RHD: variants seen among roughly 807,000 people sequenced by gnomAD.
The protein encoded by RHD is Rh blood group D antigen, also known as blood group Rh(D) polypeptide.
In RHD, 16 loss-of-function variants were observed where a neutral mutation model predicts 45.5. The observed-to-expected ratio is 0.35, with a 90% CI of 0.24 to 0.53. RHD has a LOEUF of 0.53. Among genes scored for constraint, RHD ranks in the 20% least tolerant of loss-of-function variants. The probability of loss-of-function intolerance (pLI) is 0.92; values close to 1 mark genes in which losing one functional copy is unlikely to be tolerated. For synonymous variants in RHD, 131 were observed against 217.5 expected, an observed-to-expected ratio of 0.60 and a Z score of 3.50; for missense variants, 306 against 532.0, an observed-to-expected ratio of 0.58 and a Z score of 4.18.
At chr1:25,309,912 A>G (rs188862990) in intron 7 of RHD, among the ~76,000 whole-genome samples, 2,093 of 133,416 alleles carry the variant, frequency 0.016, 165 homozygotes, top group African/African-American at 0.051. Context: ...ACAGCATCAT[A>G]TAGAATGAGT....
chr1:25,320,143 C>A (rs151132067), intron 8 of RHD, among the ~76,000 whole-genome samples: 5,049 of 131,236 alleles, frequency 0.038, 904 homozygotes, highest in African/African-American at 0.12. Flanking sequence ...GGTGATCCGC[C>A]CACCTTGGCC....
chr1:25,300,916 A>G, intron 3 of RHD, 30 bp from the exon 4 acceptor site: 1 of 1,374,612 alleles, frequency 7.3e-7, no homozygotes, highest in East Asian at 2.2e-5. Flanking sequence ...GGATGCCGAC[A>G]CTCACTGCTC....
intron 8 of RHD, among the ~76,000 whole-genome samples, chr1:25,318,625 G>C (rs1231619316): frequency 7.6e-6 from 1 of 131,942 alleles, no homozygotes; most frequent in African/African-American, 2.6e-5. Flanking sequence ...ATCCAGAACT[G>C]TTCACCTTTA....
In RHD at chr1:25,276,086, A is replaced by G. The variant is rs1425540246; in HGVS notation, c.148+3391A>G. On this transcript the variant is annotated intron_variant, in intron 1 of 9. Coordinates refer to ENST00000328664, the MANE Select transcript of RHD (RefSeq NM_016124.6). ...GATTATTCAAACCTGCCAATTCTAA[A>G]AAGACATTTTGAGACAATCAGGAAA... 5.3e-5 allele frequency among the ~76,000 whole-genome samples: 7 copies of G among 132,208 alleles called. 2 individuals are homozygous for G. The highest frequency in any genetic ancestry group is 1.1e-4 in the Non-Finnish European group (6 of 55,892). The allele number at this position is 132,208 out of a possible 152,430, so 86.7% of individuals were successfully genotyped here.
At position 25,284,811 on chromosome 1, in the gene RHD, G is replaced by A. The variant is rs551101938; in HGVS notation, c.335+52G>A. 24 of 1,336,552 alleles carry A rather than the reference G, an allele frequency of 1.8e-5. 1 individual carries two copies. The Middle Eastern group carries it at 5.5e-4, about 31-fold the overall frequency. The allele number at this position is 1,336,552 out of a possible 1,614,324, so 82.8% of individuals were successfully genotyped here. A position where few individuals can be genotyped will look rare whatever the true frequency, so the allele number is the denominator to read the frequency against. On this transcript the variant is annotated intron_variant, in intron 2 of 9. Coordinates refer to ENST00000328664, the MANE Select transcript of RHD (RefSeq NM_016124.6). ...CTGGGTCATAGAGGGAATGGACCCC[G>A]AAAGGACAGGTTCCAGAAGATCTGG...
intron 9 of RHD, among the ~76,000 whole-genome samples, chr1:25,324,768 G>T (rs1644882039): frequency 6.7e-6 from 1 of 148,898 alleles, no homozygotes; most frequent in Admixed American, 6.6e-5. Flanking sequence ...TGTCGCCCAG[G>T]TGCGGTGGCT....
rs585353 is a variant in RHD at position 25,279,003 on chromosome 1, G to C, written c.149-5570G>C. On this transcript the variant is annotated intron_variant, in intron 1 of 9. Transcript: ENST00000328664. Reference sequence around the variant, plus strand: ...TGAAGCTGGGTGTGACTTCAGAGCTGTTGGTGCTGAAGTTTCTGCAGGCCA... The same window carrying C: ...TGAAGCTGGGTGTGACTTCAGAGCTCTTGGTGCTGAAGTTTCTGCAGGCCA... Among the ~76,000 whole-genome samples, 51 of 129,746 alleles carry C rather than the reference G, an allele frequency of 3.9e-4. 5 individuals carry two copies. The highest frequency in any genetic ancestry group is 1.4e-3 in the Admixed American group (19 of 13,392). 85.1% of individuals were successfully genotyped at this position (129,746 alleles called of 152,430 possible). A position where few individuals can be genotyped will look rare whatever the true frequency, so the allele number is the denominator to read the frequency against.
chr1:25,297,871 G>T lies in RHD; in HGVS notation c.487-3075G>T, dbSNP rs1288676122. Among the ~76,000 whole-genome samples, 2 of 131,390 alleles carry T rather than the reference G, an allele frequency of 1.5e-5. 1 individual carries two copies. Among genetic ancestry groups the T allele is most frequent in the Non-Finnish European group, 3.6e-5 (2 of 55,756 alleles). 86.2% of individuals were successfully genotyped at this position (131,390 alleles called of 152,430 possible). ...AAACAAACACAAAGAACCTCCAAGG[G>T]CAGGAGGTGCTGCCAGACTCAGGAG... On this transcript the variant is annotated intron_variant, in intron 3 of 9. Transcript: ENST00000328664.
Position 25,296,472 on chromosome 1 carries a change from T to C in RHD, c.487-4474T>C. The stretch of plus-strand genomic sequence containing the variant: ...ATTGGCCAGGCTGGTCTTGAGCTCC[T>C]GGCCTCAGTTGATCCACCTGTCTCA... On this transcript the variant is annotated intron_variant, in intron 3 of 9. Transcript: ENST00000328664. Among the ~76,000 whole-genome samples, 2 of 120,882 alleles carry C rather than the reference T, an allele frequency of 1.7e-5. 1 individual carries two copies. The highest frequency in any genetic ancestry group is 3.9e-5 in the Non-Finnish European group (2 of 50,788). 79.3% of individuals were successfully genotyped at this position (120,882 alleles called of 152,430 possible). A position where few individuals can be genotyped will look rare whatever the true frequency, so the allele number is the denominator to read the frequency against.
At chr1:25,276,768 T>C (rs1180512238) in intron 1 of RHD, among the ~76,000 whole-genome samples, 1 of 131,106 alleles carries the variant, frequency 7.6e-6, no homozygotes, top group East Asian at 2.0e-4. Flanking sequence ...AATTTAAAAA[T>C]ATAAATAAAA....
Position 25,293,020 on chromosome 1 carries a change from G to A in RHD, c.486+2229G>A, listed in dbSNP as rs1327606146. Among the ~76,000 whole-genome samples, 15 of 128,984 alleles carry A rather than the reference G, an allele frequency of 1.2e-4. 2 individuals are homozygous for A. Among genetic ancestry groups the A allele is most frequent in the African/African-American group, 3.0e-4 (11 of 37,188 alleles). The allele number at this position is 128,984 out of a possible 152,430, so 84.6% of individuals were successfully genotyped here. On this transcript the variant is annotated intron_variant, in intron 3 of 9. Coordinates refer to ENST00000328664, the MANE Select transcript of RHD (RefSeq NM_016124.6). ...CTGAATGCTGCTGAGAGGTCAAGTC[G>A]GATGAGGGCTGGGAAGTAGCCATTG...
chr1:25,329,237 G>GGTTTTT lies in RHD; in HGVS notation c.*313_*314insGTTTTT. 1 of 232,394 alleles carries GGTTTTT rather than the reference G, an allele frequency of 4.3e-6. No homozygotes were observed. The highest frequency in any genetic ancestry group is 3.1e-5 in the South Asian group (1 of 32,690). The allele number at this position is 232,394 out of a possible 1,614,324, so 14.4% of individuals were successfully genotyped here. A position where few individuals can be genotyped will look rare whatever the true frequency, so the allele number is the denominator to read the frequency against. The stretch of plus-strand genomic sequence containing the variant: ...TAAGGTTAATTTATTATTATTCCTT[G>GGTTTTT]TTTTTTTTTTTTTTTTTTTTTTTTT... On this transcript the variant is annotated 3_prime_UTR_variant, in exon 10 of 10. Transcript: ENST00000328664.
Position 25,303,354 on chromosome 1 carries a change from C to T in RHD, c.834C>T (p.Gly278=), listed in dbSNP as rs776508234. 1.2e-5 allele frequency: 16 copies of T among 1,371,382 alleles called. 3 individuals carry two copies. The highest frequency in any genetic ancestry group is 3.6e-5 in the Admixed American group (2 of 56,246). The allele number at this position is 1,371,382 out of a possible 1,614,324, so 85.0% of individuals were successfully genotyped here. ...TGCACAGTGCGGTGTTGGCAGGAGG[C>T]GTGGCTGTGGGTACCTCGTGTCACC... is the stretch of plus-strand genomic sequence containing the variant. ...TYVHSAVLAG[G]VAVGTSCHLI... is the part of the protein sequence containing the mutation. Residue 278 remains glycine (G), a synonymous_variant, in exon 6 of 10, where the codon GGC becomes GGT. Coordinates refer to ENST00000328664, the MANE Select transcript of RHD (RefSeq NM_016124.6).
At position 25,280,310 on chromosome 1, in the gene RHD, T is replaced by C. The variant is rs1451323134; in HGVS notation, c.149-4263T>C. ...AGGATCCTCTGACTTCCTCATCTCTTTTTTTTTTTTTTTGAGCTGCAGTCT... is the reference window on the plus strand; with the variant it reads ...AGGATCCTCTGACTTCCTCATCTCTCTTTTTTTTTTTTTGAGCTGCAGTCT... On this transcript the variant is annotated intron_variant, in intron 1 of 9. Transcript: ENST00000328664. Among the ~76,000 whole-genome samples, 5 of 114,996 alleles carry C rather than the reference T, an allele frequency of 4.3e-5. 1 individual carries two copies. The highest frequency in any genetic ancestry group is 2.0e-4 in the East Asian group (1 of 4,970). 75.4% of individuals were successfully genotyped at this position (114,996 alleles called of 152,430 possible). A position where few individuals can be genotyped will look rare whatever the true frequency, so the allele number is the denominator to read the frequency against.
At chr1:25,277,966 G>A (rs1243059615) in intron 1 of RHD, among the ~76,000 whole-genome samples, 1 of 132,858 alleles carries the variant, frequency 7.5e-6, no homozygotes, top group African/African-American at 2.6e-5. Flanking sequence ...GAGCCACCGC[G>A]CCTGGCCCAA....
chr1:25,315,784 C>A (rs1312445720), intron 7 of RHD, among the ~76,000 whole-genome samples: 2 of 130,938 alleles, frequency 1.5e-5, no homozygotes, highest in African/African-American at 5.3e-5. Flanking sequence ...GTGTGAGCCA[C>A]CACACCCGGC....
rs995406777 is a variant in RHD at position 25,275,445 on chromosome 1, G to C, written c.148+2750G>C. ...CATGGAGGAAGCCATGCCAGGGCTGGTGTTGGGCACAGGGAAAGGGGCATG... is the reference window on the plus strand; with the variant it reads ...CATGGAGGAAGCCATGCCAGGGCTGCTGTTGGGCACAGGGAAAGGGGCATG... On this transcript the variant is annotated intron_variant, in intron 1 of 9. Transcript: ENST00000328664. 1.5e-5 allele frequency among the ~76,000 whole-genome samples: 2 copies of C among 132,104 alleles called. 1 individual carries two copies. Among genetic ancestry groups the C allele is most frequent in the Admixed American group, 1.5e-4 (2 of 13,548 alleles). The allele number at this position is 132,104 out of a possible 152,430, so 86.7% of individuals were successfully genotyped here. A position where few individuals can be genotyped will look rare whatever the true frequency, so the allele number is the denominator to read the frequency against.
At chr1:25,300,078 TAAG>T (rs1359803193) in intron 3 of RHD, among the ~76,000 whole-genome samples, 1 of 131,352 alleles carries the variant, frequency 7.6e-6, no homozygotes, top group African/African-American at 2.6e-5. Flanking sequence ...TTTGGTATTA[TAAG>T]AAGTCTGGTT....
rs191281470 is a variant in RHD, at chr1:25,274,195, A to C, written c.148+1500A>C. Reference sequence around the variant, plus strand: ...ACAATAACCCAATGAGGTGGGTACTATTATGATCTTCGTTTTTCATATGAG... The same window carrying C: ...ACAATAACCCAATGAGGTGGGTACTCTTATGATCTTCGTTTTTCATATGAG... On this transcript the variant is annotated intron_variant, in intron 1 of 9. Transcript: ENST00000328664. Among the ~76,000 whole-genome samples, 11 of 132,088 alleles carry C rather than the reference A, an allele frequency of 8.3e-5. 2 individuals carry two copies. The highest frequency in any genetic ancestry group is 2.6e-4 in the African/African-American group (10 of 38,852). The allele number at this position is 132,088 out of a possible 152,430, so 86.7% of individuals were successfully genotyped here.
Sources: allele counts gnomAD v4.1 joint callset (sites outside exome capture counted in the v4.1 genomes callset), GRCh38; gene constraint gnomAD v4.1.1; transcripts MANE v1.5; gene names NCBI Gene and HGNC (gene_info 2026-07-23, HGNC 2026-07-21).